The following RANBP17 variants were observed in gnomAD, a reference collection of about 807,000 sequenced individuals.
The protein encoded by RANBP17 is RAN binding protein 17.
In RANBP17, 158 loss-of-function variants were observed where a neutral mutation model predicts 141.2. The observed-to-expected ratio is 1.12, with a 90% CI of 0.98 to 1.28. The LOEUF is 1.28. Ranked by LOEUF, RANBP17 falls within the 50% of genes most tolerant of loss-of-function variation. The pLI is 0.00. For missense variants in RANBP17, 1,438 were observed against 1,290.7 expected, an observed-to-expected ratio of 1.11 and a Z score of -1.75; for synonymous variants, 430 against 450.0, an observed-to-expected ratio of 0.96 and a Z score of 0.56.
intron 16 of RANBP17, among the ~76,000 whole-genome samples, chr5:171,175,315 A>G (rs1027298073): frequency 3.3e-5 from 5 of 152,202 alleles, no homozygotes; most frequent in African/African-American, 1.2e-4. Context: ...GTATATACCC[A>G]GTAATGGGAT....
rs548289864 is a variant in RANBP17, at chr5:171,299,744, C to A, written c.*886C>A. The A allele has an allele frequency of 5.7e-5, 13 of 226,414 alleles. No individual in the cohort carries two copies. Among genetic ancestry groups the A allele is most frequent in the Non-Finnish European group, 7.9e-5 (9 of 113,796 alleles). 14.0% of individuals were successfully genotyped at this position (226,414 alleles called of 1,614,324 possible). ...TCAGAGGATGAGAAATAGCTGGTTT[C>A]CAACTCTCCACAAAAACTCTTATTA... On this transcript the variant is annotated 3_prime_UTR_variant, in exon 28 of 28. Coordinates refer to ENST00000523189, the MANE Select transcript of RANBP17 (RefSeq NM_022897.5).
intron 14 of RANBP17, among the ~76,000 whole-genome samples, chr5:171,106,523 T>C (rs1439862963): frequency 6.6e-6 from 1 of 152,188 alleles, no homozygotes; most frequent in Non-Finnish European, 1.5e-5. Flanking sequence ...AAGAAACTAG[T>C]CAGTTCAGAG....
At chr5:170,891,305 G>A (rs959237329) in intron 3 of RANBP17, among the ~76,000 whole-genome samples, 23 of 152,166 alleles carry the variant, frequency 1.5e-4, no homozygotes, top group African/African-American at 4.8e-4. Flanking sequence ...AAGACCTGAA[G>A]TTTGTTCTTA....
Position 171,262,754 on chromosome 5 carries a change from T to A in RANBP17, c.2777-2927T>A, listed in dbSNP as rs1371242255. 3.3e-5 allele frequency among the ~76,000 whole-genome samples: 5 copies of A among 152,356 alleles called. No individual in the cohort carries two copies. In the South Asian group the frequency reaches 1.0e-3, roughly 32 times the overall value. Reference sequence around the variant, plus strand: ...CTGCAACTTATTCCTCTTATCTGGCTATACTTTTGTATCCATTAACCAACC... The same window carrying A: ...CTGCAACTTATTCCTCTTATCTGGCAATACTTTTGTATCCATTAACCAACC... On this transcript the variant is annotated intron_variant, in intron 24 of 27. Transcript: ENST00000523189.
intron 14 of RANBP17, among the ~76,000 whole-genome samples, chr5:171,058,260 A>G (rs1372951752): frequency 6.7e-6 from 1 of 149,886 alleles, no homozygotes; most frequent in African/African-American, 2.4e-5. Context: ...TGCTGCACCC[A>G]TTAACTCATC....
intron 12 of RANBP17, among the ~76,000 whole-genome samples, chr5:170,953,359 A>G (rs1775354903): frequency 6.6e-6 from 1 of 152,160 alleles, no homozygotes. Flanking sequence ...TCACATAGCA[A>G]ATTAGTAGAG....
intron 12 of RANBP17, among the ~76,000 whole-genome samples, chr5:170,938,927 C>T (rs1225731346): frequency 6.6e-6 from 1 of 152,068 alleles, no homozygotes; most frequent in Non-Finnish European, 1.5e-5. Context: ...GACATGAGTT[C>T]ATCAATACAG....
chr5:171,231,087 C>A (rs1325915441), intron 22 of RANBP17, among the ~76,000 whole-genome samples: 1 of 150,232 alleles, frequency 6.7e-6, no homozygotes, highest in Non-Finnish European at 1.5e-5. Flanking sequence ...CAGGCACGTA[C>A]CACCATGCCT....
chr5:170,918,761 C>T lies in RANBP17; in HGVS notation c.1003C>T (p.Arg335Cys), dbSNP rs765562410. 3.7e-6 allele frequency: 6 copies of T among 1,604,416 alleles called. No individual in the cohort carries two copies. The highest frequency in any genetic ancestry group is 2.3e-5 in the East Asian group (1 of 44,164). The part of the protein sequence containing the change: ...NYHEFCRFLA[R>C]LKTNYQLGEL... ...TCATGAATTTTGTCGATTTTTGGCT[C>T]GTTTAAAGACAAATTATCAGCTGGG... Residue 335 changes from arginine to cysteine, a missense_variant, in exon 10 of 28, where the codon CGT becomes TGT. Coordinates refer to ENST00000523189, the MANE Select transcript of RANBP17 (RefSeq NM_022897.5).
intron 14 of RANBP17, among the ~76,000 whole-genome samples, chr5:171,020,142 TG>T (rs1017428872): frequency 6.6e-6 from 1 of 151,878 alleles, no homozygotes; most frequent in Non-Finnish European, 1.5e-5. Flanking sequence ...GAGACTGTTA[TG>T]ATTTCCGTTC....
At chr5:170,952,128 A>G (rs941510530) in intron 12 of RANBP17, among the ~76,000 whole-genome samples, 21 of 152,052 alleles carry the variant, frequency 1.4e-4, no homozygotes, top group Admixed American at 7.2e-4. Flanking sequence ...CTACAGAGAA[A>G]GCAGGGTCAT....
intron 25 of RANBP17, among the ~76,000 whole-genome samples, chr5:171,273,148 C>CTTTGCATCTCTCTCCCGTATCT (rs1431424480): frequency 6.6e-6 from 1 of 152,192 alleles, no homozygotes; most frequent in East Asian, 1.9e-4. Context: ...GCACCATGTG[C>CTTTGCATCTCTCTCCCGTATCT]TTTGCATCTC....
At chr5:171,181,888 A>T (rs1359256249) in intron 16 of RANBP17, among the ~76,000 whole-genome samples, 1 of 152,220 alleles carries the variant, frequency 6.6e-6, no homozygotes, top group Non-Finnish European at 1.5e-5. Flanking sequence ...TCCTCAAAAC[A>T]ATCCTGTAAG....
chr5:171,135,890 TG>T (rs1456261086), intron 14 of RANBP17, among the ~76,000 whole-genome samples: 2 of 152,172 alleles, frequency 1.3e-5, no homozygotes, highest in Non-Finnish European at 2.9e-5. Flanking sequence ...ACATGACTAA[TG>T]GCAACCTCCA....
intron 18 of RANBP17, among the ~76,000 whole-genome samples, chr5:171,186,560 G>T (rs1242675116): frequency 1.4e-4 from 3 of 22,036 alleles, no homozygotes; most frequent in Admixed American, 9.0e-4. Flanking sequence ...TTTTTGAGAC[G>T]GAGTCTCGCT....
chr5:170,890,856 A>G (rs181788186), intron 3 of RANBP17, among the ~76,000 whole-genome samples: 5 of 152,182 alleles, frequency 3.3e-5, no homozygotes, highest in Admixed American at 3.3e-4. Flanking sequence ...TATTTATTTT[A>G]TCATATTATA....
At chr5:171,174,343 C>A (rs988280746) in intron 16 of RANBP17, among the ~76,000 whole-genome samples, 1 of 152,098 alleles carries the variant, frequency 6.6e-6, no homozygotes, top group African/African-American at 2.4e-5. Context: ...GGGATCTTTC[C>A]CTTCTTTGAA....
chr5:171,229,069 G>C (rs1261602157), intron 22 of RANBP17, among the ~76,000 whole-genome samples: 1 of 152,184 alleles, frequency 6.6e-6, no homozygotes, highest in East Asian at 1.9e-4. Flanking sequence ...CAAGAAGATA[G>C]CTAAATAATT....
chr5:171,023,376 T>C (rs1183481090), intron 14 of RANBP17, among the ~76,000 whole-genome samples: 1 of 152,208 alleles, frequency 6.6e-6, no homozygotes, highest in Non-Finnish European at 1.5e-5. Flanking sequence ...GTCAAAACAT[T>C]ATTATTTTTT....
Sources: allele counts gnomAD v4.1 joint callset (sites outside exome capture counted in the v4.1 genomes callset), GRCh38; gene constraint gnomAD v4.1.1; transcripts MANE v1.5; gene names NCBI Gene and HGNC (gene_info 2026-07-23, HGNC 2026-07-21).